TRAM2: variants seen among roughly 807,000 people sequenced by gnomAD.
TRAM2 encodes the protein translocation associated membrane protein 2.
A neutral mutation model predicts 51.0 loss-of-function variants in TRAM2; 12 were observed. The observed-to-expected ratio is 0.24, with a 90% CI of 0.15 to 0.38. TRAM2 has a LOEUF of 0.38. TRAM2 is among the 10% of genes least tolerant of loss of function. The probability of loss-of-function intolerance (pLI) is 1.00; values close to 1 mark genes in which losing one functional copy is unlikely to be tolerated. For synonymous variants in TRAM2, 175 were observed against 179.4 expected (o/e 0.98, Z 0.20); for missense variants, 361 against 462.0 (o/e 0.78, Z 2.00).
intron 1 of TRAM2, among the ~76,000 whole-genome samples, chr6:52,542,855 G>T (rs1396686347): frequency 6.6e-6 from 1 of 152,138 alleles, no homozygotes; most frequent in African/African-American, 2.4e-5. Context: ...ACAATAAAGG[G>T]TTTAAAAAAT....
At chr6:52,533,854 G>C (rs1581882436) in intron 2 of TRAM2, among the ~76,000 whole-genome samples, 1 of 152,234 alleles carries the variant, frequency 6.6e-6, no homozygotes, top group African/African-American at 2.4e-5. Flanking sequence ...CACTTTGGGA[G>C]GCTGAGGCGG....
At position 52,501,101 on chromosome 6, in the gene TRAM2, G is replaced by A. The variant is rs1440922515; in HGVS notation, c.*2096C>T. The A allele has an allele frequency of 6.6e-6, 1 of 152,228 alleles. No homozygotes were observed. The highest frequency in any genetic ancestry group is 1.5e-5 in the Non-Finnish European group (1 of 68,046). The allele number at this position is 152,228 out of a possible 1,614,324, so 9.4% of individuals were successfully genotyped here. ...AAGTGGCTAAGGGATCCCATATCAG[G>A]TCTGCTGTGTTGAAACCAAACTGCC... On this transcript the variant is annotated 3_prime_UTR_variant, in exon 11 of 11. Coordinates refer to ENST00000182527, the MANE Select transcript of TRAM2 (RefSeq NM_012288.4).
At chr6:52,550,779 T>G (rs1171556526) in intron 1 of TRAM2, among the ~76,000 whole-genome samples, 1 of 152,160 alleles carries the variant, frequency 6.6e-6, no homozygotes, top group Admixed American at 6.5e-5. Context: ...CTTGAACTCC[T>G]GGCCTCAAGA....
chr6:52,534,098 A>C (rs1259126538), intron 2 of TRAM2, among the ~76,000 whole-genome samples: 1 of 150,812 alleles, frequency 6.6e-6, no homozygotes, highest in Non-Finnish European at 1.5e-5. Flanking sequence ...AAAAAAAAAA[A>C]AGGCTGGGCA....
At chr6:52,520,969 C>T (rs937542140) in intron 2 of TRAM2, among the ~76,000 whole-genome samples, 2 of 152,134 alleles carry the variant, frequency 1.3e-5, no homozygotes, top group East Asian at 1.9e-4. Flanking sequence ...AGTGTAATGG[C>T]GCAGTCTTGG....
At chr6:52,573,981 T>C (rs1015521954) in intron 1 of TRAM2, among the ~76,000 whole-genome samples, 1 of 152,170 alleles carries the variant, frequency 6.6e-6, no homozygotes, top group Admixed American at 6.5e-5. Flanking sequence ...AGCTTCCGAA[T>C]GAAGGAATCC....
chr6:52,544,155 C>T (rs1033543594), intron 1 of TRAM2, among the ~76,000 whole-genome samples: 4 of 152,186 alleles, frequency 2.6e-5, no homozygotes, highest in Admixed American at 2.6e-4. Flanking sequence ...AAACCAGGCC[C>T]GTCAGCAGGG....
At chr6:52,505,064 C>G (rs964525332) in intron 9 of TRAM2, among the ~76,000 whole-genome samples, 20 of 152,256 alleles carry the variant, frequency 1.3e-4, no homozygotes, top group Non-Finnish European at 2.4e-4. Context: ...GTTTTGCGCC[C>G]ATTGCACAGA....
At chr6:52,535,303 G>A (rs1766960181) in intron 2 of TRAM2, among the ~76,000 whole-genome samples, 1 of 152,214 alleles carries the variant, frequency 6.6e-6, no homozygotes, top group Non-Finnish European at 1.5e-5. Context: ...ACAGAGAGCA[G>A]AAGAGAGGGA....
At chr6:52,545,116 T>C (rs1017854039) in intron 1 of TRAM2, among the ~76,000 whole-genome samples, 1 of 152,168 alleles carries the variant, frequency 6.6e-6, no homozygotes, top group Non-Finnish European at 1.5e-5. Context: ...CATTCCAAGC[T>C]CTAGCATCCC....
At position 52,502,002 on chromosome 6, in the gene TRAM2, CTCAG is replaced by C. The variant is rs1222118509; in HGVS notation, c.*1191_*1194del. 1 of 152,214 alleles carries C rather than the reference CTCAG, an allele frequency of 6.6e-6. No individual in the cohort carries two copies. Among genetic ancestry groups the C allele is most frequent in the African/African-American group, 2.4e-5 (1 of 41,446 alleles). 9.4% of individuals were successfully genotyped at this position (152,214 alleles called of 1,614,324 possible). A position where few individuals can be genotyped will look rare whatever the true frequency, so the allele number is the denominator to read the frequency against. Reference sequence around the variant, plus strand: ...CCTATCATCTACCCAGAGAGTGACTCTCAGTCAGTCATGGTTTCATGCAGTCTAA... The same window carrying C: ...CCTATCATCTACCCAGAGAGTGACTCTCAGTCATGGTTTCATGCAGTCTAA... On this transcript the variant is annotated 3_prime_UTR_variant, in exon 11 of 11. Coordinates refer to ENST00000182527, the MANE Select transcript of TRAM2 (RefSeq NM_012288.4).
At chr6:52,535,710 TG>T in intron 2 of TRAM2, 72 bp downstream of exon 2, 1 of 1,380,416 alleles carries the variant, frequency 7.2e-7, no homozygotes, top group Non-Finnish European at 1.0e-6. Flanking sequence ...TGTACACAGA[TG>T]GGGAAAAGGA....
chr6:52,561,858 T>G (rs1440992712), intron 1 of TRAM2, among the ~76,000 whole-genome samples: 1 of 152,182 alleles, frequency 6.6e-6, no homozygotes, highest in Non-Finnish European at 1.5e-5. Flanking sequence ...TCCACCCGCC[T>G]TGGCCTCCCA....
At chr6:52,514,469 C>T (rs1766508281) in intron 4 of TRAM2, among the ~76,000 whole-genome samples, 1 of 152,104 alleles carries the variant, frequency 6.6e-6, no homozygotes, top group Non-Finnish European at 1.5e-5. Context: ...GGAACTGGCT[C>T]TTCCCAGAAT....
At chr6:52,529,299 G>C (rs1334489211) in intron 2 of TRAM2, among the ~76,000 whole-genome samples, 1 of 152,126 alleles carries the variant, frequency 6.6e-6, no homozygotes, top group Non-Finnish European at 1.5e-5. Flanking sequence ...AATATTTATA[G>C]AAAAACAAAA....
intron 1 of TRAM2, among the ~76,000 whole-genome samples, chr6:52,540,224 T>A (rs1767053951): frequency 6.6e-6 from 1 of 151,386 alleles, no homozygotes; most frequent in African/African-American, 2.4e-5. Context: ...ACCTCACAAC[T>A]ATACAAGCAG....
rs1012181427 is a variant in TRAM2, at chr6:52,499,530, G to T, written c.*3667C>A. On this transcript the variant is annotated 3_prime_UTR_variant, in exon 11 of 11. Coordinates refer to ENST00000182527, the MANE Select transcript of TRAM2 (RefSeq NM_012288.4). ...CCCACTTCCAATTAAAGCATCCATG[G>T]AAGATAAGAATTTTGTTGTGGAATC... 1 of 152,230 alleles carries T rather than the reference G, an allele frequency of 6.6e-6. No individual in the cohort carries two copies. Among genetic ancestry groups the T allele is most frequent in the Non-Finnish European group, 1.5e-5 (1 of 68,010 alleles). The allele number at this position is 152,230 out of a possible 1,614,324, so 9.4% of individuals were successfully genotyped here. A position where few individuals can be genotyped will look rare whatever the true frequency, so the allele number is the denominator to read the frequency against.
chr6:52,540,518 T>C (rs1767058763), intron 1 of TRAM2, among the ~76,000 whole-genome samples: 1 of 152,108 alleles, frequency 6.6e-6, no homozygotes, highest in African/African-American at 2.4e-5. Context: ...ACCACATCCA[T>C]CCATTAAAAA....
chr6:52,555,298 C>T (rs1767385574), intron 1 of TRAM2, among the ~76,000 whole-genome samples: 1 of 151,860 alleles, frequency 6.6e-6, no homozygotes, highest in African/African-American at 2.4e-5. Context: ...CCCACCACCT[C>T]TCCCCCAGCA....
Sources: allele counts gnomAD v4.1 joint callset (sites outside exome capture counted in the v4.1 genomes callset), GRCh38; gene constraint gnomAD v4.1.1; transcripts MANE v1.5; gene names NCBI Gene and HGNC (gene_info 2026-07-23, HGNC 2026-07-21).